The following EYA4 variants were observed in gnomAD, a reference collection of about 807,000 sequenced individuals.
EYA4 encodes EYA transcriptional coactivator and phosphatase 4.
EYA4 carries 31 observed loss-of-function variants against 87.9 expected under a neutral mutation model. That is an observed-to-expected ratio of 0.35 (90% CI 0.27 to 0.48). The LOEUF (loss-of-function observed/expected upper bound fraction) is 0.48. Ranked by LOEUF, EYA4 falls within the 20% of genes least tolerant of loss-of-function variation. EYA4 has a pLI of 0.99. For missense variants in EYA4, 678 were observed against 761.4 expected, an observed-to-expected ratio of 0.89 and a Z score of 1.29; for synonymous variants, 263 against 270.6, an observed-to-expected ratio of 0.97 and a Z score of 0.28.
chr6:133,281,785 G>A (rs985013570), intron 2 of EYA4, among the ~76,000 whole-genome samples: 8 of 151,952 alleles, frequency 5.3e-5, no homozygotes, highest in South Asian at 2.1e-4. Context: ...TGCCACTTCC[G>A]GTAGTTCCCA....
At chr6:133,510,448 A>AACT in intron 14 of EYA4, 1 of 354,106 alleles carries the variant, frequency 2.8e-6, no homozygotes, top group South Asian at 2.7e-5. Flanking sequence ...CATCATTTAG[A>AACT]ACTACTTTGG....
At chr6:133,481,740 C>A in intron 12 of EYA4, 141 bp downstream of exon 12, 2 of 849,950 alleles carry the variant, frequency 2.4e-6, no homozygotes, top group Non-Finnish European at 3.8e-6. Flanking sequence ...TTGTGATAGG[C>A]ATTTTACAAC....
chr6:133,430,021 C>T (rs1791044110), intron 3 of EYA4, among the ~76,000 whole-genome samples: 1 of 152,146 alleles, frequency 6.6e-6, no homozygotes, highest in South Asian at 2.1e-4. Flanking sequence ...GCCCCTCCCT[C>T]CTTCCCACCT....
At chr6:133,520,961 A>G (rs1391762817) in intron 17 of EYA4, among the ~76,000 whole-genome samples, 1 of 151,268 alleles carries the variant, frequency 6.6e-6, no homozygotes, top group African/African-American at 2.4e-5. Flanking sequence ...ACAAAAATCA[A>G]TTCAAGATGG....
At chr6:133,344,547 T>G (rs994946250) in intron 2 of EYA4, among the ~76,000 whole-genome samples, 1 of 152,192 alleles carries the variant, frequency 6.6e-6, no homozygotes, top group East Asian at 1.9e-4. Flanking sequence ...TACTTGGAAC[T>G]GATCCATTGT....
At chr6:133,294,025 A>ATT (rs1426984674) in intron 2 of EYA4, among the ~76,000 whole-genome samples, 2 of 11,042 alleles carry the variant, frequency 1.8e-4, no homozygotes, top group African/African-American at 5.3e-4. Flanking sequence ...GGGTGATTTT[A>ATT]TATATATATA....
intron 1 of EYA4, among the ~76,000 whole-genome samples, chr6:133,263,436 C>T (rs576954064): frequency 6.6e-6 from 1 of 152,276 alleles, no homozygotes; most frequent in Admixed American, 6.5e-5. Flanking sequence ...TCTTTCCCTA[C>T]AGACCAGCTT....
At chr6:133,319,646 T>TTGC (rs1780907592) in intron 2 of EYA4, among the ~76,000 whole-genome samples, 1 of 152,084 alleles carries the variant, frequency 6.6e-6, no homozygotes, top group South Asian at 2.1e-4. Context: ...AAAAATTGTT[T>TTGC]TGCGTGATTT....
chr6:133,344,078 A>G (rs1225105812), intron 2 of EYA4, among the ~76,000 whole-genome samples: 2 of 152,186 alleles, frequency 1.3e-5, no homozygotes, highest in Non-Finnish European at 2.9e-5. Flanking sequence ...GAGAGTGTTC[A>G]TTCAGTATGA....
chr6:133,381,085 T>C (rs759336979), intron 2 of EYA4, among the ~76,000 whole-genome samples: 2 of 146,832 alleles, frequency 1.4e-5, no homozygotes, highest in African/African-American at 5.0e-5. Context: ...CTTTTTTTTT[T>C]TTTTTTTTGC....
chr6:133,496,465 C>T (rs1410720745), intron 13 of EYA4, among the ~76,000 whole-genome samples: 1 of 152,144 alleles, frequency 6.6e-6, no homozygotes, highest in Non-Finnish European at 1.5e-5. Flanking sequence ...AGATGGGGGA[C>T]TGGAGAGATC....
chr6:133,474,663 G>C (rs998394622), intron 11 of EYA4, among the ~76,000 whole-genome samples: 4 of 152,116 alleles, frequency 2.6e-5, no homozygotes, highest in Admixed American at 6.6e-5. Context: ...TATGACCTCA[G>C]ACCTTCAGTC....
At chr6:133,293,264 A>AT (rs1321438777) in intron 2 of EYA4, among the ~76,000 whole-genome samples, 2 of 152,190 alleles carry the variant, frequency 1.3e-5, no homozygotes, top group African/African-American at 4.8e-5. Flanking sequence ...CAGTGTTTTT[A>AT]TTTTTTATGA....
At chr6:133,422,221 C>A (rs1312818006) in intron 3 of EYA4, among the ~76,000 whole-genome samples, 1 of 152,122 alleles carries the variant, frequency 6.6e-6, no homozygotes, top group Non-Finnish European at 1.5e-5. Context: ...GAGATATCGA[C>A]CCCATTGCTC....
chr6:133,495,345 CAG>C (rs1397414701), intron 13 of EYA4, among the ~76,000 whole-genome samples: 2 of 145,388 alleles, frequency 1.4e-5, no homozygotes, highest in Non-Finnish European at 3.0e-5. Flanking sequence ...AAAAATACTA[CAG>C]AGATATATTT....
intron 3 of EYA4, among the ~76,000 whole-genome samples, chr6:133,416,076 T>C (rs1166012971): frequency 6.6e-6 from 1 of 152,202 alleles, no homozygotes; most frequent in Non-Finnish European, 1.5e-5. Context: ...CAGCATGCCT[T>C]GTAGAGGACA....
At chr6:133,380,787 A>T (rs930021031) in intron 2 of EYA4, among the ~76,000 whole-genome samples, 3 of 151,588 alleles carry the variant, frequency 2.0e-5, no homozygotes, top group Non-Finnish European at 2.9e-5. Flanking sequence ...TTAAAAAAGT[A>T]TTTCTCCCTC....
intron 11 of EYA4, among the ~76,000 whole-genome samples, chr6:133,477,257 C>T (rs182784162): frequency 1.6e-4 from 25 of 152,134 alleles, no homozygotes; most frequent in African/African-American, 3.4e-4. Context: ...GATTTCTGTC[C>T]GCCACAGTGT....
chr6:133,245,386 GAC>G (rs1272514107), intron 1 of EYA4, among the ~76,000 whole-genome samples: 1 of 152,114 alleles, frequency 6.6e-6, no homozygotes, highest in East Asian at 1.9e-4. Context: ...ATATAATCTT[GAC>G]AGTTTCTTTT....
Sources: allele counts gnomAD v4.1 joint callset (sites outside exome capture counted in the v4.1 genomes callset), GRCh38; gene constraint gnomAD v4.1.1; transcripts MANE v1.5; gene names NCBI Gene and HGNC (gene_info 2026-07-23, HGNC 2026-07-21).